The following SKI variants were observed in gnomAD, a reference collection of about 807,000 sequenced individuals.
The protein encoded by SKI is ski oncogene.
Under a neutral mutation model 59.3 loss-of-function variants are expected in SKI, and 23 were observed. The ratio of observed to expected loss-of-function variants is 0.39; its 90% confidence interval spans 0.28 to 0.55. The LOEUF (loss-of-function observed/expected upper bound fraction) is 0.55, where lower values mean the gene tolerates loss of function less well. Ranked by LOEUF, SKI falls within the 20% of genes least tolerant of loss-of-function variation. SKI has a pLI of 0.67. For synonymous variants in SKI, 673 were observed against 488.6 expected (o/e 1.38, Z -4.98); for missense variants, 1,017 against 1,038.9 (o/e 0.98, Z 0.29).
chr1:2,304,438 G>T lies in SKI; in HGVS notation c.1620G>T (p.Ala540=). ...APADAPSGLE[A]ELEHLRQALE... is the part of the protein sequence containing the mutation. ...CCGACGCCCCCAGTGGGCTGGAGGCGGAGCTGGAGCACCTGCGGCAGGCAC... is the reference window on the plus strand; with the variant it reads ...CCGACGCCCCCAGTGGGCTGGAGGCTGAGCTGGAGCACCTGCGGCAGGCAC... The change falls in exon 5 of 7, where the codon GCG becomes GCT. Residue 540 remains alanine, a synonymous_variant. Coordinates refer to ENST00000378536, the MANE Select transcript of SKI (RefSeq NM_003036.4). 6.4e-7 allele frequency: 1 copy of T among 1,561,152 alleles called. No individual in the cohort carries two copies. Among genetic ancestry groups the T allele is most frequent in the Non-Finnish European group, 8.7e-7 (1 of 1,153,716 alleles).
At chr1:2,277,859 GCA>G (rs1017373062) in intron 1 of SKI, among the ~76,000 whole-genome samples, 28 of 151,586 alleles carry the variant, frequency 1.8e-4, no homozygotes, top group African/African-American at 6.5e-4. Flanking sequence ...GGACATACGT[GCA>G]CACACACATC....
chr1:2,240,857 C>T (rs968038800), intron 1 of SKI: 1 of 952,900 alleles, frequency 1.0e-6, no homozygotes, highest in African/African-American at 1.8e-5. Context: ...GGGCCGTCCA[C>T]AGCCCTTCGG....
At chr1:2,253,127 G>T (rs1639198256) in intron 1 of SKI, among the ~76,000 whole-genome samples, 1 of 151,512 alleles carries the variant, frequency 6.6e-6, no homozygotes, top group Admixed American at 6.6e-5. Context: ...TTGCTAAATT[G>T]GAGTAAATAT....
chr1:2,292,573 G>C (rs185551675), intron 1 of SKI, among the ~76,000 whole-genome samples: 13 of 152,330 alleles, frequency 8.5e-5, no homozygotes, highest in Admixed American at 3.9e-4. Context: ...GGGCAGCTCT[G>C]ATGGAGGGGT....
Position 2,304,217 on chromosome 1 carries a change from G to A in SKI, c.1475-76G>A, listed in dbSNP as rs11577387. On this transcript the variant is annotated intron_variant, in intron 4 of 6. Transcript: ENST00000378536. ...GGCCCCATGTTTCGCAGGTTCCTCC[G>A]GGAGCGGCGCGTCTCCCTGGTGTGG... The A allele has an allele frequency of 0.13, 209,612 of 1,557,896 alleles. 14,805 individuals carry two copies. The highest frequency in any genetic ancestry group is 0.18 in the Middle Eastern group (1,071 of 5,902).
intron 1 of SKI, among the ~76,000 whole-genome samples, chr1:2,285,965 C>T (rs1032868877): frequency 6.6e-6 from 1 of 151,396 alleles, no homozygotes; most frequent in East Asian, 2.0e-4. Flanking sequence ...GCTCTGCCTC[C>T]CCGGTTCACG....
chr1:2,279,905 G>T (rs991115281), intron 1 of SKI, among the ~76,000 whole-genome samples: 1 of 152,188 alleles, frequency 6.6e-6, no homozygotes, highest in Non-Finnish European at 1.5e-5. Context: ...ACTGGCCTGT[G>T]ATGCGGTGGT....
intron 1 of SKI, among the ~76,000 whole-genome samples, chr1:2,241,690 G>A (rs1199608107): frequency 6.6e-6 from 1 of 152,162 alleles, no homozygotes. Flanking sequence ...ACTGCGCCCG[G>A]CCAGGACTGT....
chr1:2,286,801 G>GC (rs1640048691), intron 1 of SKI, among the ~76,000 whole-genome samples: 1 of 152,214 alleles, frequency 6.6e-6, no homozygotes, highest in Admixed American at 6.5e-5. Flanking sequence ...TGGGACCAAC[G>GC]CGACCTCCTC....
rs2100789382 is a variant in SKI, at chr1:2,228,779, G to A, written c.13G>A (p.Ala5Thr). 1.6e-6 allele frequency: 2 copies of A among 1,289,928 alleles called. No individual in the cohort carries two copies. The highest frequency in any genetic ancestry group is 2.0e-6 in the Non-Finnish European group (2 of 1,004,334). 79.9% of individuals were successfully genotyped at this position (1,289,928 alleles called of 1,614,324 possible). A position where few individuals can be genotyped will look rare whatever the true frequency, so the allele number is the denominator to read the frequency against. The stretch of plus-strand genomic sequence containing the variant: ...GCCGGAGCGCACCATGGAGGCGGCG[G>A]CAGGCGGCCGCGGCTGTTTCCAGCC... Reference protein sequence around the residue: MEAAAGGRGCFQPHP... With the variant: MEAATGGRGCFQPHP... Residue 5 changes from alanine (A) to threonine (T), a missense_variant, in exon 1 of 7, where the codon GCA (alanine) becomes ACA (threonine). Coordinates refer to ENST00000378536, the MANE Select transcript of SKI (RefSeq NM_003036.4).
At chr1:2,247,643 C>T (rs974213295) in intron 1 of SKI, among the ~76,000 whole-genome samples, 9 of 152,184 alleles carry the variant, frequency 5.9e-5, no homozygotes, top group Non-Finnish European at 1.3e-4. Flanking sequence ...AGTATGTACC[C>T]CCTTGCCCTG....
rs1023455720 is a variant in SKI, at chr1:2,269,359, C to T, written c.970-33619C>T. ...GTTAGGACAGAGACAGTGGGTTTTG[C>T]AGTGATGTGAGCTTTGACGGAAGTG... On this transcript the variant is annotated intron_variant, in intron 1 of 6. Coordinates refer to ENST00000378536, the MANE Select transcript of SKI (RefSeq NM_003036.4). This position sits in a 1 kb window ranked among gnomAD's most constrained non-coding sequence, Gnocchi z 4.7. 1.3e-5 allele frequency among the ~76,000 whole-genome samples: 2 copies of T among 152,220 alleles called. No individual in the cohort carries two copies. Among genetic ancestry groups the T allele is most frequent in the Non-Finnish European group, 2.9e-5 (2 of 68,046 alleles).
intron 1 of SKI, among the ~76,000 whole-genome samples, chr1:2,234,343 G>T (rs1160229984): frequency 6.6e-6 from 1 of 152,204 alleles, no homozygotes; most frequent in African/African-American, 2.4e-5. Context: ...GACCCCTCTG[G>T]GAGCTGGGCT....
chr1:2,240,474 C>T, intron 1 of SKI: 1 of 985,218 alleles, frequency 1.0e-6, no homozygotes, highest in Non-Finnish European at 1.2e-6. Context: ...GTTGCCTGGC[C>T]CCCATGAGGA....
chr1:2,277,613 C>T (rs975363573), intron 1 of SKI, among the ~76,000 whole-genome samples: 2 of 152,216 alleles, frequency 1.3e-5, no homozygotes, highest in Non-Finnish European at 2.9e-5. Context: ...ATATCTTCTT[C>T]AGCAGCGTGA....
intron 1 of SKI, among the ~76,000 whole-genome samples, chr1:2,284,998 T>C (rs1383450326): frequency 6.6e-6 from 1 of 152,188 alleles, no homozygotes; most frequent in Non-Finnish European, 1.5e-5. Context: ...AGAAAAGCCT[T>C]TTTGTTCTTG....
rs112366802 is a variant in SKI at position 2,239,920 on chromosome 1, C to A, written c.969+10185C>A. ...CTTCAGCTGCGTCCTTTGCGGGTCC[C>A]CGTAACTTCAGTGCCCCCACCCCTG... On this transcript the variant is annotated intron_variant, in intron 1 of 6. Coordinates refer to ENST00000378536, the MANE Select transcript of SKI (RefSeq NM_003036.4). Among the ~76,000 whole-genome samples the A allele has an allele frequency of 7.9e-5, 12 of 152,340 alleles. 1 individual carries two copies. The highest frequency in any genetic ancestry group is 2.6e-4 in the African/African-American group (11 of 41,574).
rs536406587 is a variant in SKI, at chr1:2,294,284, A to G, written c.970-8694A>G. ...CAGGCCTGATGCCGGGCAGGGCGAC[A>G]TTTCTAGAAAAGGTTTCATCTGGTG... On this transcript the variant is annotated intron_variant, in intron 1 of 6. Coordinates refer to ENST00000378536, the MANE Select transcript of SKI (RefSeq NM_003036.4). Among the ~76,000 whole-genome samples, 14 of 152,332 alleles carry G rather than the reference A, an allele frequency of 9.2e-5. No individual in the cohort carries two copies. The East Asian group carries it at 1.4e-3, about 15-fold the overall frequency.
In SKI at chr1:2,300,904, C is replaced by A. The variant is rs901184704; in HGVS notation, c.970-2074C>A. On this transcript the variant is annotated intron_variant, in intron 1 of 6. Transcript: ENST00000378536. ...GGCTCGGGGCCCCGGGCCTACGGTC[C>A]TCCCGCCACCTCCACGGGGCGGCTG... Among the ~76,000 whole-genome samples the A allele has an allele frequency of 4.6e-5, 7 of 152,306 alleles. No homozygotes were observed. The South Asian group carries it at 1.5e-3, about 32-fold the overall frequency.
Sources: gnomAD v4.1 joint callset for allele counts (sites outside exome capture counted in the v4.1 genomes callset) on GRCh38, gnomAD v4.1.1 for gene constraint, Gnocchi (gnomAD v3.1) non-coding constraint, MANE v1.5 for transcripts, NCBI Gene and HGNC (gene_info 2026-07-23, HGNC 2026-07-21) for gene names.